Variants in FSTL4 observed in about 807,000 individuals in gnomAD.
FSTL4 encodes the protein follistatin-related protein 4.
FSTL4 carries 28 observed loss-of-function variants against 78.2 expected under a neutral mutation model. The observed-to-expected ratio is 0.36, with a 90% CI of 0.27 to 0.49. The LOEUF is 0.49. Among genes scored for constraint, FSTL4 ranks in the 20% least tolerant of loss-of-function variants. The pLI is 0.98. For synonymous variants in FSTL4, 422 were observed against 440.5 expected (o/e 0.96, Z 0.53); for missense variants, 922 against 1,084.9 (o/e 0.85, Z 2.11).
intron 6 of FSTL4, among the ~76,000 whole-genome samples, chr5:133,290,509 G>T (rs1411414326): frequency 6.6e-6 from 1 of 152,234 alleles, no homozygotes; most frequent in African/African-American, 2.4e-5. Context: ...CCTTGGGGAG[G>T]GGTCCCACAC....
In FSTL4 at chr5:133,199,689, C is replaced by G. The variant is rs1750259774; in HGVS notation, c.1935G>C (p.Gln645His). The G allele has an allele frequency of 4.3e-6, 7 of 1,613,926 alleles. No individual in the cohort carries two copies. Among genetic ancestry groups the G allele is most frequent in the African/African-American group, 1.3e-5 (1 of 75,038 alleles). Reference protein sequence around the residue: ...IGLHHHGCVPQAMAHTHLGGY... With the variant: ...IGLHHHGCVPHAMAHTHLGGY... ...CGCCCAGGTGGGTGTGTGCCATGGC[C>G]TGGGGCACGCAGCCATGGTGGTGCA... The change falls in exon 16 of 16, where the codon CAG (glutamine) becomes CAC (histidine). Residue 645 changes from glutamine (Q) to histidine (H), a missense_variant. Coordinates refer to ENST00000265342, the MANE Select transcript of FSTL4 (RefSeq NM_015082.2). This position sits in a 1 kb window ranked among gnomAD's most constrained non-coding sequence, Gnocchi z 4.4.
chr5:133,286,179 A>G (rs1753124858), intron 6 of FSTL4, among the ~76,000 whole-genome samples: 2 of 152,228 alleles, frequency 1.3e-5, no homozygotes, highest in Admixed American at 1.3e-4. Context: ...TTTACTGACT[A>G]TGCAACCTTG....
intron 3 of FSTL4, among the ~76,000 whole-genome samples, chr5:133,467,454 A>G (rs556174941): frequency 6.6e-6 from 1 of 152,248 alleles, no homozygotes; most frequent in Non-Finnish European, 1.5e-5. Context: ...ACAGGAAGCC[A>G]CAAAGCCATT....
At chr5:133,598,666 C>G (rs184682633) in intron 2 of FSTL4, among the ~76,000 whole-genome samples, 1 of 152,202 alleles carries the variant, frequency 6.6e-6, no homozygotes, top group African/African-American at 2.4e-5. Context: ...AGCACCGCAC[C>G]TGCAGAGGAA....
At chr5:133,207,720 T>G (rs1002410398) in intron 14 of FSTL4, 12 of 150,382 alleles carry the variant, frequency 8.0e-5, no homozygotes, top group African/African-American at 2.2e-4. Flanking sequence ...CTCGGCTCAC[T>G]GCAGCCTCCA....
chr5:133,202,508 G>A (rs909531233), intron 14 of FSTL4: 11 of 152,770 alleles, frequency 7.2e-5, no homozygotes, highest in African/African-American at 2.7e-4. Context: ...TCATGAAAAT[G>A]TCACGTGGTG....
chr5:133,671,662 T>C, the FSTL4 span, among the ~76,000 whole-genome samples: 29,631 of 152,162 alleles, frequency 0.19, 2,962 homozygotes, highest in Admixed American at 0.27. Flanking sequence ...CCGGTTTCCA[T>C]TGGCTGGAAT....
intron 4 of FSTL4, among the ~76,000 whole-genome samples, chr5:133,383,969 C>T (rs1045275772): frequency 6.6e-6 from 1 of 152,152 alleles, no homozygotes; most frequent in African/African-American, 2.4e-5. Context: ...AAGTTTGCAT[C>T]TTACATTGTT....
chr5:133,762,374 G>A, the FSTL4 span, among the ~76,000 whole-genome samples: 1 of 152,120 alleles, frequency 6.6e-6, no homozygotes, highest in Non-Finnish European at 1.5e-5. Context: ...CAGAGAACTA[G>A]CCCTCAAGTC....
intron 3 of FSTL4, among the ~76,000 whole-genome samples, chr5:133,452,078 C>T (rs572857851): frequency 2.0e-5 from 3 of 152,326 alleles, no homozygotes; most frequent in Non-Finnish European, 2.9e-5. Context: ...CTGGGGCTGC[C>T]GTGGAGTTCC....
chr5:133,715,595 T>C, the FSTL4 span, among the ~76,000 whole-genome samples: 1 of 152,172 alleles, frequency 6.6e-6, no homozygotes, highest in Non-Finnish European at 1.5e-5. Flanking sequence ...TTAACTTTAC[T>C]TAGGCTGGTA....
At chr5:133,590,365 C>T (rs256244) in intron 2 of FSTL4, among the ~76,000 whole-genome samples, 1 of 151,960 alleles carries the variant, frequency 6.6e-6, no homozygotes, top group Non-Finnish European at 1.5e-5. Flanking sequence ...TGCAATAAGA[C>T]TTTGTATCTA....
intron 3 of FSTL4, among the ~76,000 whole-genome samples, chr5:133,484,294 G>A (rs956388371): frequency 6.6e-6 from 1 of 152,198 alleles, no homozygotes; most frequent in Non-Finnish European, 1.5e-5. Flanking sequence ...TCATTGAAAG[G>A]CTTCTCACAC....
intron 3 of FSTL4, among the ~76,000 whole-genome samples, chr5:133,423,459 T>G (rs150111899): frequency 1.3e-5 from 2 of 152,298 alleles, no homozygotes; most frequent in East Asian, 3.9e-4. Flanking sequence ...GCCCTCAGCC[T>G]CCCTCCTGGA....
At chr5:133,825,832 C>G in the FSTL4 span, among the ~76,000 whole-genome samples, 1 of 152,224 alleles carries the variant, frequency 6.6e-6, no homozygotes, top group South Asian at 2.1e-4. Flanking sequence ...GTCAGAGCTG[C>G]GGAGAAGCAA....
At chr5:133,670,524 A>T in the FSTL4 span, among the ~76,000 whole-genome samples, 5 of 152,234 alleles carry the variant, frequency 3.3e-5, no homozygotes, top group Admixed American at 2.6e-4. Flanking sequence ...TTCACCCCAG[A>T]GTTGGGGGCC....
At chr5:133,735,170 G>A in the FSTL4 span, among the ~76,000 whole-genome samples, 6 of 151,706 alleles carry the variant, frequency 4.0e-5, no homozygotes, top group African/African-American at 1.2e-4. Flanking sequence ...CATGAATTTA[G>A]AAAAAAAAGG....
intron 6 of FSTL4, among the ~76,000 whole-genome samples, chr5:133,286,444 G>A (rs1252114187): frequency 1.3e-5 from 2 of 152,204 alleles, no homozygotes; most frequent in Admixed American, 6.5e-5. Context: ...AAGAGATCTT[G>A]TTTCTGTGGA....
At chr5:133,719,175 G>A in the FSTL4 span, among the ~76,000 whole-genome samples, 4 of 152,140 alleles carry the variant, frequency 2.6e-5, no homozygotes, top group Admixed American at 2.0e-4. Flanking sequence ...ACACTGCTAA[G>A]AGTTGGACTT....
Sources: gnomAD v4.1 joint callset for allele counts (sites outside exome capture counted in the v4.1 genomes callset) on GRCh38, gnomAD v4.1.1 for gene constraint, Gnocchi (gnomAD v3.1) non-coding constraint, MANE v1.5 for transcripts, NCBI Gene and HGNC (gene_info 2026-07-23, HGNC 2026-07-21) for gene names.